Variants in SYT1 observed in about 807,000 individuals in gnomAD.
SYT1 encodes the protein synaptotagmin 1.
In SYT1, 8 loss-of-function variants were observed where a neutral mutation model predicts 44.8. The observed-to-expected ratio is 0.18, with a 90% CI of 0.10 to 0.32. The LOEUF is 0.32. SYT1 is among the 10% of genes least tolerant of loss of function. The pLI is 1.00. For missense variants in SYT1, 286 were observed against 509.3 expected, an observed-to-expected ratio of 0.56 and a Z score of 4.22; for synonymous variants, 154 against 188.8, an observed-to-expected ratio of 0.82 and a Z score of 1.51.
intron 2 of SYT1, among the ~76,000 whole-genome samples, chr12:79,036,839 T>C (rs1873166197): frequency 6.6e-6 from 1 of 151,824 alleles, no homozygotes; most frequent in Non-Finnish European, 1.5e-5. Context: ...TGGCCCATTT[T>C]AATAAACGGA....
chr12:79,400,042 T>C (rs1885016986), intron 9 of SYT1, among the ~76,000 whole-genome samples: 1 of 152,214 alleles, frequency 6.6e-6, no homozygotes, highest in African/African-American at 2.4e-5. Context: ...TCTGAGCATC[T>C]TTCTCTCCAA....
chr12:79,209,695 G>A (rs1303533179), intron 3 of SYT1, among the ~76,000 whole-genome samples: 1 of 152,146 alleles, frequency 6.6e-6, no homozygotes, highest in Non-Finnish European at 1.5e-5. Context: ...TGGGGGAAGA[G>A]GCTGAAATCC....
At chr12:79,084,648 T>C (rs984915672) in intron 3 of SYT1, among the ~76,000 whole-genome samples, 1 of 152,176 alleles carries the variant, frequency 6.6e-6, no homozygotes, top group Non-Finnish European at 1.5e-5. Flanking sequence ...TACTAGTAGA[T>C]GTTTTCTAAG....
intron 4 of SYT1, among the ~76,000 whole-genome samples, chr12:79,230,834 T>C (rs1875826525): frequency 6.6e-6 from 1 of 152,182 alleles, no homozygotes; most frequent in Non-Finnish European, 1.5e-5. Context: ...TTCAAAGATA[T>C]TAAGAAAACA....
At chr12:79,387,622 T>C (rs1308774713) in intron 9 of SYT1, among the ~76,000 whole-genome samples, 1 of 152,236 alleles carries the variant, frequency 6.6e-6, no homozygotes, top group African/African-American at 2.4e-5. Flanking sequence ...TATTTAAATG[T>C]CAACTGTGCA....
chr12:79,213,497 A>G (rs572402974), intron 3 of SYT1, among the ~76,000 whole-genome samples: 1 of 152,362 alleles, frequency 6.6e-6, no homozygotes. Context: ...ATTAACGAGA[A>G]TAATATGAAA....
intron 8 of SYT1, among the ~76,000 whole-genome samples, chr12:79,334,946 T>C (rs1214740510): frequency 6.6e-6 from 1 of 152,142 alleles, no homozygotes; most frequent in East Asian, 1.9e-4. Context: ...AAGCTGGTCT[T>C]TTTTATTTCT....
intron 4 of SYT1, among the ~76,000 whole-genome samples, chr12:79,246,964 T>C (rs77663217): frequency 0.036 from 5,494 of 152,276 alleles, 128 homozygotes; most frequent in Admixed American, 0.053. Context: ...CATTCAGTTA[T>C]TGGGGGTGTT....
chr12:79,401,044 T>C (rs2136113520), intron 9 of SYT1, among the ~76,000 whole-genome samples: 1 of 152,284 alleles, frequency 6.6e-6, no homozygotes, highest in Non-Finnish European at 1.5e-5. Flanking sequence ...CTTGGGTCTA[T>C]GGCCCATCTG....
chr12:79,337,053 G>A (rs1439946591), intron 8 of SYT1, among the ~76,000 whole-genome samples: 1 of 151,756 alleles, frequency 6.6e-6, no homozygotes, highest in Non-Finnish European at 1.5e-5. Context: ...TGTCTTTCAT[G>A]TCCTCCTTTT....
chr12:79,410,505 T>TC (rs1491462838), intron 9 of SYT1, among the ~76,000 whole-genome samples: 4 of 13,092 alleles, frequency 3.1e-4, no homozygotes, highest in African/African-American at 9.5e-4. Context: ...CTGTTCAAAG[T>TC]CAAAAAAAAA....
At chr12:79,123,661 T>TA (rs1184258032) in intron 3 of SYT1, among the ~76,000 whole-genome samples, 1 of 152,228 alleles carries the variant, frequency 6.6e-6, no homozygotes, top group Non-Finnish European at 1.5e-5. Context: ...CTGGCTAAAA[T>TA]AAAATTGAAG....
intron 2 of SYT1, among the ~76,000 whole-genome samples, chr12:79,012,113 C>G (rs61928974): frequency 0.063 from 8,095 of 128,964 alleles, 241 homozygotes; most frequent in Admixed American, 0.12. Context: ...GCCTGGGTGA[C>G]AGAATGAGAT....
intron 4 of SYT1, among the ~76,000 whole-genome samples, chr12:79,227,556 T>A (rs1167951893): frequency 1.3e-5 from 2 of 152,160 alleles, no homozygotes; most frequent in Non-Finnish European, 2.9e-5. Context: ...GTTGTATAAT[T>A]TATGCAGAAA....
At chr12:79,190,439 C>A (rs1050927645) in intron 3 of SYT1, among the ~76,000 whole-genome samples, 1 of 152,136 alleles carries the variant, frequency 6.6e-6, no homozygotes, top group Non-Finnish European at 1.5e-5. Flanking sequence ...AACACCCACA[C>A]ACACACATAC....
At chr12:78,881,512 C>A (rs926236565) in intron 1 of SYT1, among the ~76,000 whole-genome samples, 2 of 151,576 alleles carry the variant, frequency 1.3e-5, no homozygotes, top group Non-Finnish European at 3.0e-5. Flanking sequence ...CAGACATTAT[C>A]GAACCTTGTT....
At chr12:79,133,144 A>G (rs1415308817) in intron 3 of SYT1, among the ~76,000 whole-genome samples, 1 of 152,146 alleles carries the variant, frequency 6.6e-6, no homozygotes, top group East Asian at 1.9e-4. Context: ...AGATAGATAG[A>G]AGGAGTAAGT....
intron 1 of SYT1, among the ~76,000 whole-genome samples, chr12:78,885,950 T>C (rs1874725446): frequency 2.6e-5 from 4 of 152,002 alleles, no homozygotes; most frequent in Admixed American, 2.0e-4. Context: ...TTCCTAGATT[T>C]TGTGACCTCT....
chr12:79,097,907 C>T (rs567356558), intron 3 of SYT1, among the ~76,000 whole-genome samples: 3 of 152,066 alleles, frequency 2.0e-5, no homozygotes, highest in Admixed American at 1.3e-4. Context: ...GAGCCCATTT[C>T]GGGTGTGTGC....
Sources: gnomAD v4.1 joint callset for allele counts (sites outside exome capture counted in the v4.1 genomes callset) on GRCh38, gnomAD v4.1.1 for gene constraint, MANE v1.5 for transcripts, NCBI Gene and HGNC (gene_info 2026-07-23, HGNC 2026-07-21) for gene names.